MACROD2: variants seen among roughly 807,000 people sequenced by gnomAD.
MACROD2 encodes the protein mono-ADP ribosylhydrolase 2, also known as ADP-ribose glycohydrolase MACROD2.
In MACROD2, 36 loss-of-function variants were observed where a neutral mutation model predicts 70.4. The ratio of observed to expected loss-of-function variants is 0.51; its 90% CI spans 0.39 to 0.68. The LOEUF (loss-of-function observed/expected upper bound fraction) is 0.68. Ranked by LOEUF, MACROD2 falls within the 30% of genes least tolerant of loss-of-function variation. MACROD2 has a pLI of 0.00. For synonymous variants in MACROD2, 172 were observed against 178.8 expected (o/e 0.96, Z 0.30); for missense variants, 496 against 538.4 (o/e 0.92, Z 0.78).
chr20:14,681,951 TA>T (rs755339516), intron 4 of MACROD2, among the ~76,000 whole-genome samples: 89 of 152,262 alleles, frequency 5.8e-4, no homozygotes, highest in Middle Eastern at 3.4e-3. Flanking sequence ...ATGGAGATGA[TA>T]AAATTAATAT....
intron 8 of MACROD2, among the ~76,000 whole-genome samples, chr20:15,672,968 T>C (rs150842973): frequency 5.9e-5 from 9 of 152,272 alleles, no homozygotes; most frequent in African/African-American, 1.9e-4. Context: ...CAAGTTCTCT[T>C]TTTGCCTGTC....
intron 5 of MACROD2, among the ~76,000 whole-genome samples, chr20:15,131,242 C>T (rs2076102560): frequency 6.6e-6 from 1 of 151,958 alleles, no homozygotes; most frequent in South Asian, 2.1e-4. Flanking sequence ...CAATGAAGAA[C>T]TAAATCTGTA....
chr20:15,051,454 T>G (rs957011068), intron 5 of MACROD2, among the ~76,000 whole-genome samples: 1 of 150,814 alleles, frequency 6.6e-6, no homozygotes, highest in African/African-American at 2.4e-5. Context: ...AAGCTTAAAC[T>G]CCATAGGGCA....
chr20:14,339,141 T>C (rs2082985983), intron 3 of MACROD2, among the ~76,000 whole-genome samples: 1 of 152,238 alleles, frequency 6.6e-6, no homozygotes, highest in South Asian at 2.1e-4. Context: ...ATTTGTTTGA[T>C]AACAGTTTGA....
intron 5 of MACROD2, chr20:14,884,544 GA>G (rs562235264): frequency 3.0e-4 from 45 of 152,178 alleles, no homozygotes; most frequent in African/African-American, 1.1e-3. Flanking sequence ...TATTTTGTTG[GA>G]CAAAGAAGTC....
intron 8 of MACROD2, among the ~76,000 whole-genome samples, chr20:15,622,129 A>T (rs548536377): frequency 1.3e-5 from 2 of 152,316 alleles, no homozygotes; most frequent in South Asian, 4.1e-4. Context: ...CAGTTGTTTC[A>T]TTCTGAAAGT....
intron 4 of MACROD2, among the ~76,000 whole-genome samples, chr20:14,509,334 G>A (rs2085003741): frequency 1.3e-5 from 2 of 152,066 alleles, no homozygotes; most frequent in South Asian, 4.2e-4. Context: ...TATTTAGCAG[G>A]ACATGGAGAA....
intron 2 of MACROD2, among the ~76,000 whole-genome samples, chr20:14,038,729 T>A (rs2148638237): frequency 6.6e-6 from 1 of 152,322 alleles, no homozygotes; most frequent in East Asian, 1.9e-4. Flanking sequence ...AAGGTAAAGT[T>A]GTTGTATATA....
At chr20:15,768,079 T>C (rs928734741) in intron 8 of MACROD2, among the ~76,000 whole-genome samples, 4 of 151,996 alleles carry the variant, frequency 2.6e-5, no homozygotes, top group African/African-American at 9.7e-5. Context: ...TATATGTATA[T>C]AGCATGAAAG....
chr20:15,687,600 G>T (rs537783524), intron 8 of MACROD2, among the ~76,000 whole-genome samples: 1 of 152,228 alleles, frequency 6.6e-6, no homozygotes, highest in East Asian at 1.9e-4. Flanking sequence ...GCCTCCTCAG[G>T]TTGGCCAGTG....
Position 15,780,306 on chromosome 20 carries a change from A to G in MACROD2, c.646-82439A>G, listed in dbSNP as rs553152038. On this transcript the variant is annotated intron_variant, in intron 8 of 17. Coordinates refer to ENST00000684519, the MANE Select transcript of MACROD2 (RefSeq NM_001351661.2). ...TGCCACATGAGAGAATAGACTAAGA[A>G]TGGCTTACATTAAGTTTACTAGTCT... is the stretch of plus-strand genomic sequence containing the variant. Among the ~76,000 whole-genome samples, 20 of 152,222 alleles carry G rather than the reference A, an allele frequency of 1.3e-4. 1 individual carries two copies. In the Middle Eastern group the frequency reaches 0.01, roughly 78 times the overall value.
At chr20:15,122,812 TC>T (rs1208506005) in intron 5 of MACROD2, among the ~76,000 whole-genome samples, 1 of 152,138 alleles carries the variant, frequency 6.6e-6, no homozygotes, top group Non-Finnish European at 1.5e-5. Flanking sequence ...CTGGTCGTGG[TC>T]TCTGAACTGC....
intron 6 of MACROD2, among the ~76,000 whole-genome samples, chr20:15,292,423 T>C (rs2077548742): frequency 6.6e-6 from 1 of 152,194 alleles, no homozygotes; most frequent in Admixed American, 6.5e-5. Context: ...TCTTAGCTTA[T>C]CACTCACCCC....
chr20:14,942,950 A>C (rs1419272811), intron 5 of MACROD2, among the ~76,000 whole-genome samples: 1 of 152,194 alleles, frequency 6.6e-6, no homozygotes, highest in African/African-American at 2.4e-5. Context: ...GGAGATTTCT[A>C]AATGCTAATT....
chr20:15,377,501 G>A lies in MACROD2; in HGVS notation c.541-53904G>A, dbSNP rs146311695. 4.7e-3 allele frequency among the ~76,000 whole-genome samples: 715 copies of A among 152,268 alleles called. 4 individuals carry two copies. The highest frequency in any genetic ancestry group is 0.016 in the African/African-American group (664 of 41,560). Reference sequence around the variant, plus strand: ...AATTAGTTTTTCCTTTTATTATGGAGGAATTAGTATTTCTCATTTATCTTT... The same window carrying A: ...AATTAGTTTTTCCTTTTATTATGGAAGAATTAGTATTTCTCATTTATCTTT... On this transcript the variant is annotated intron_variant, in intron 6 of 17. Coordinates refer to ENST00000684519, the MANE Select transcript of MACROD2 (RefSeq NM_001351661.2).
intron 6 of MACROD2, among the ~76,000 whole-genome samples, chr20:15,374,523 A>G (rs1422328262): frequency 6.6e-6 from 1 of 152,162 alleles, no homozygotes; most frequent in African/African-American, 2.4e-5. Flanking sequence ...TCATTTGAAG[A>G]AGAGAACACA....
chr20:14,978,143 C>G (rs1415745933), intron 5 of MACROD2, among the ~76,000 whole-genome samples: 1 of 152,124 alleles, frequency 6.6e-6, no homozygotes, highest in African/African-American at 2.4e-5. Flanking sequence ...ATGCTGCCAT[C>G]ATTTTAAATA....
chr20:15,874,915 G>A (rs1408062155), intron 9 of MACROD2, among the ~76,000 whole-genome samples: 2 of 152,108 alleles, frequency 1.3e-5, no homozygotes, highest in African/African-American at 4.8e-5. Context: ...TGGGGTCAAT[G>A]TCATCAAGAG....
At chr20:15,949,776 A>G (rs2065880070) in intron 12 of MACROD2, among the ~76,000 whole-genome samples, 1 of 152,182 alleles carries the variant, frequency 6.6e-6, no homozygotes, top group Non-Finnish European at 1.5e-5. Context: ...AAGTAATCAT[A>G]GATCTTCAAA....
Sources: gnomAD v4.1 joint callset for allele counts (sites outside exome capture counted in the v4.1 genomes callset) on GRCh38, gnomAD v4.1.1 for gene constraint, MANE v1.5 for transcripts, NCBI Gene and HGNC (gene_info 2026-07-23, HGNC 2026-07-21) for gene names.